Variants in DRC11 observed in about 807,000 individuals in gnomAD.
The protein encoded by DRC11 is dynein regulatory complex subunit 11.
the DRC11 span, chr2:236,486,772 CT>C: frequency 1.8e-6 from 2 of 1,130,624 alleles, no homozygotes; most frequent in Non-Finnish European, 2.6e-6. The surrounding 1 kb of genome is among the most constrained non-coding windows in gnomAD (Gnocchi z 5.7). Flanking sequence ...AAGACACAGT[CT>C]CACATATTCT....
the DRC11 span, among the ~76,000 whole-genome samples, chr2:236,428,552 C>T: frequency 1.3e-5 from 2 of 152,048 alleles, no homozygotes; most frequent in African/African-American, 2.4e-5. Context: ...ATTATAGTTA[C>T]CCCTGCTTTC....
At chr2:236,483,515 G>C in the DRC11 span, among the ~76,000 whole-genome samples, 56 of 152,262 alleles carry the variant, frequency 3.7e-4, no homozygotes, top group Admixed American at 1.8e-3. This position sits in a 1 kb window ranked among gnomAD's most constrained non-coding sequence, Gnocchi z 4.8. Context: ...AGTAAGCTTG[G>C]ATATCACAAC....
At chr2:236,314,343 A>G in the DRC11 span, among the ~76,000 whole-genome samples, 1 of 152,234 alleles carries the variant, frequency 6.6e-6, no homozygotes, top group Non-Finnish European at 1.5e-5. This position sits in a 1 kb window ranked among gnomAD's most constrained non-coding sequence, Gnocchi z 4.5. Context: ...AATGTGATAA[A>G]GTATAGTTTC....
chr2:236,331,712 T>C, the DRC11 span: 1 of 736,696 alleles, frequency 1.4e-6, no homozygotes, highest in Middle Eastern at 3.8e-4. This position sits in a 1 kb window ranked among gnomAD's most constrained non-coding sequence, Gnocchi z 4.8. Flanking sequence ...AGAAGTCTAC[T>C]CTAGCTTATT....
chr2:236,314,467 C>A, the DRC11 span, among the ~76,000 whole-genome samples: 1 of 152,018 alleles, frequency 6.6e-6, no homozygotes, highest in Admixed American at 6.6e-5. The surrounding 1 kb of genome is among the most constrained non-coding windows in gnomAD (Gnocchi z 4.5). Flanking sequence ...CAAGCCAGTG[C>A]AATAAAGCAA....
the DRC11 span, among the ~76,000 whole-genome samples, chr2:236,460,217 A>C: frequency 6.6e-6 from 1 of 152,204 alleles, no homozygotes; most frequent in Admixed American, 6.5e-5. This position sits in a 1 kb window ranked among gnomAD's most constrained non-coding sequence, Gnocchi z 4.0. Context: ...TGAAGTCTGC[A>C]CAGCACACCC....
chr2:236,357,194 T>TC, the DRC11 span, among the ~76,000 whole-genome samples: 2 of 117,264 alleles, frequency 1.7e-5, no homozygotes, highest in Admixed American at 9.9e-5. Context: ...TTCATATATA[T>TC]TATAAATTAT....
the DRC11 span, among the ~76,000 whole-genome samples, chr2:236,425,807 T>G: frequency 3.9e-5 from 6 of 152,084 alleles, no homozygotes; most frequent in Non-Finnish European, 8.8e-5. Flanking sequence ...AGTTGATTTG[T>G]GTATATGGTG....
the DRC11 span, among the ~76,000 whole-genome samples, chr2:236,496,523 G>A: frequency 2.8e-4 from 42 of 152,326 alleles, 2 homozygotes; most frequent in African/African-American, 9.6e-4. The surrounding 1 kb of genome is among the most constrained non-coding windows in gnomAD (Gnocchi z 6.3). Context: ...TGCTCGGCAG[G>A]AACGTCGGAG....
At chr2:236,492,638 G>A in the DRC11 span, among the ~76,000 whole-genome samples, 1 of 152,212 alleles carries the variant, frequency 6.6e-6, no homozygotes, top group South Asian at 2.1e-4. Flanking sequence ...TTACAGCTTA[G>A]GACATGAAGG....
chr2:236,372,136 C>A, the DRC11 span, among the ~76,000 whole-genome samples: 1 of 152,100 alleles, frequency 6.6e-6, no homozygotes, highest in East Asian at 1.9e-4. The surrounding 1 kb of genome is among the most constrained non-coding windows in gnomAD (Gnocchi z 4.5). Context: ...AACTTTGCCA[C>A]GAAATATCTC....
chr2:236,371,451 G>A, the DRC11 span, among the ~76,000 whole-genome samples: 2 of 152,146 alleles, frequency 1.3e-5, no homozygotes, highest in African/African-American at 2.4e-5. The surrounding 1 kb of genome is among the most constrained non-coding windows in gnomAD (Gnocchi z 5.1). Context: ...GTGCTTTCCA[G>A]AGGCAGGGGG....
chr2:236,399,607 G>C, the DRC11 span: 1 of 792,252 alleles, frequency 1.3e-6, no homozygotes, highest in Non-Finnish European at 2.2e-6. This position sits in a 1 kb window ranked among gnomAD's most constrained non-coding sequence, Gnocchi z 7.0. Context: ...GTCCCCCTGG[G>C]CAGTGCCCCT....
chr2:236,494,145 C>G, the DRC11 span, among the ~76,000 whole-genome samples: 2 of 152,014 alleles, frequency 1.3e-5, no homozygotes, highest in African/African-American at 4.8e-5. The surrounding 1 kb of genome is among the most constrained non-coding windows in gnomAD (Gnocchi z 4.2). Flanking sequence ...TCAATTAGGC[C>G]TCAATTAACT....
the DRC11 span, chr2:236,338,471 C>T: frequency 8.3e-7 from 1 of 1,209,038 alleles, no homozygotes; most frequent in Admixed American, 2.2e-5. Context: ...TTGCAGCATC[C>T]TTTGTTAAAG....
chr2:236,374,752 G>A, the DRC11 span, among the ~76,000 whole-genome samples: 4 of 151,938 alleles, frequency 2.6e-5, no homozygotes, highest in South Asian at 2.1e-4. Context: ...GTGCAATGGC[G>A]TGACCTTGGC....
chr2:236,464,409 T>C, the DRC11 span, among the ~76,000 whole-genome samples: 1 of 152,182 alleles, frequency 6.6e-6, no homozygotes, highest in South Asian at 2.1e-4. Context: ...GGACTGATCA[T>C]AACAATCTGC....
At chr2:236,389,369 C>T in the DRC11 span, among the ~76,000 whole-genome samples, 8 of 152,282 alleles carry the variant, frequency 5.3e-5, no homozygotes, top group Non-Finnish European at 1.0e-4. Flanking sequence ...TCGTGGTGCA[C>T]CGTTTTTTAA....
the DRC11 span, among the ~76,000 whole-genome samples, chr2:236,444,801 T>C: frequency 6.6e-6 from 1 of 152,210 alleles, no homozygotes; most frequent in African/African-American, 2.4e-5. Flanking sequence ...AACCAACAAA[T>C]ATCTGTCTAG....
Sources: gnomAD v4.1 joint callset for allele counts (sites outside exome capture counted in the v4.1 genomes callset) on GRCh38, gnomAD v4.1.1 for gene constraint, Gnocchi (gnomAD v3.1) non-coding constraint, MANE v1.5 for transcripts, NCBI Gene and HGNC (gene_info 2026-07-23, HGNC 2026-07-21) for gene names.